Variants in SETBP1 observed in about 807,000 individuals in gnomAD.
SETBP1 encodes the protein SET-binding protein.
A neutral mutation model predicts 101.0 loss-of-function variants in SETBP1; 9 were observed. The observed-to-expected ratio is 0.09, with a 90% confidence interval of 0.05 to 0.16. The LOEUF is 0.16. Among genes scored for constraint, SETBP1 ranks in the 10% least tolerant of loss-of-function variants. The pLI, the probability that SETBP1 is intolerant of heterozygous loss-of-function variation, is 1.00. For synonymous variants in SETBP1, 818 were observed against 788.5 expected, an observed-to-expected ratio of 1.04 and a Z score of -0.63; for missense variants, 1,858 against 2,033.8, an observed-to-expected ratio of 0.91 and a Z score of 1.66.
At chr18:44,874,531 TG>T (rs1445828633) in intron 3 of SETBP1, among the ~76,000 whole-genome samples, 1 of 152,150 alleles carries the variant, frequency 6.6e-6, no homozygotes, top group African/African-American at 2.4e-5. Context: ...CTGAGGACCG[TG>T]GGGGTATCAC....
intron 1 of SETBP1, among the ~76,000 whole-genome samples, chr18:44,699,956 T>G (rs901526239): frequency 2.0e-5 from 3 of 152,202 alleles, no homozygotes; most frequent in Admixed American, 1.3e-4. Flanking sequence ...CCAGCCACTT[T>G]AAATTGATGG....
At chr18:44,759,277 T>C (rs994817956) in intron 2 of SETBP1, among the ~76,000 whole-genome samples, 3 of 152,198 alleles carry the variant, frequency 2.0e-5, no homozygotes, top group African/African-American at 2.4e-5. Context: ...TCAGGAGGTA[T>C]GTTTTCAATC....
chr18:44,865,135 G>T (rs775669673), intron 2 of SETBP1, among the ~76,000 whole-genome samples: 1 of 152,172 alleles, frequency 6.6e-6, no homozygotes, highest in Non-Finnish European at 1.5e-5. Context: ...GATTTCTGCA[G>T]AGGTGCTCAG....
In SETBP1 at chr18:45,063,762, G is replaced by T; in HGVS notation, c.*64G>T. On this transcript the variant is annotated 3_prime_UTR_variant, in exon 6 of 6. Transcript: ENST00000649279. Reference sequence around the variant, plus strand: ...GACACGTGGGAAGCGCAGTGAGCCGGGGCGGGGGCGGAATCCCCCGCTGCA... The same window carrying T: ...GACACGTGGGAAGCGCAGTGAGCCGTGGCGGGGGCGGAATCCCCCGCTGCA... 1 of 1,533,614 alleles carries T rather than the reference G, an allele frequency of 6.5e-7. No homozygotes were observed. Among genetic ancestry groups the T allele is most frequent in the South Asian group, 1.2e-5 (1 of 83,300 alleles).
chr18:44,772,519 G>A (rs1039203826), intron 2 of SETBP1, among the ~76,000 whole-genome samples: 1 of 152,096 alleles, frequency 6.6e-6, no homozygotes, highest in African/African-American at 2.4e-5. Flanking sequence ...TGGCTCTGAG[G>A]CTTCTTCAGA....
intron 3 of SETBP1, among the ~76,000 whole-genome samples, chr18:44,887,131 A>G (rs1237183425): frequency 6.6e-6 from 1 of 152,094 alleles, no homozygotes; most frequent in Non-Finnish European, 1.5e-5. Flanking sequence ...CCATTTTCTC[A>G]TTTGTCAAGT....
chr18:44,922,083 AT>A (rs1382393489), intron 3 of SETBP1, among the ~76,000 whole-genome samples: 1 of 152,196 alleles, frequency 6.6e-6, no homozygotes, highest in African/African-American at 2.4e-5. Context: ...CAAATATTCC[AT>A]TTTGGTTACT....
intron 2 of SETBP1, among the ~76,000 whole-genome samples, chr18:44,804,382 C>A (rs1222643901): frequency 2.6e-5 from 4 of 152,034 alleles, no homozygotes; most frequent in Non-Finnish European, 5.9e-5. Context: ...TCATTTCAAG[C>A]AGCAGATATT....
At chr18:45,038,430 T>A in intron 4 of SETBP1, 55 bp from the exon 5 acceptor site, 14 of 1,514,122 alleles carry the variant, frequency 9.2e-6, no homozygotes, top group Non-Finnish European at 1.3e-5. Context: ...TTACATGTTG[T>A]CTATCTTCCT....
intron 2 of SETBP1, among the ~76,000 whole-genome samples, chr18:44,793,701 G>A (rs1335123482): frequency 1.3e-5 from 2 of 152,214 alleles, no homozygotes; most frequent in African/African-American, 4.8e-5. Context: ...TAGGGTACAA[G>A]ATCAAGCCAA....
chr18:44,766,431 T>C (rs1469328867), intron 2 of SETBP1, among the ~76,000 whole-genome samples: 1 of 152,098 alleles, frequency 6.6e-6, no homozygotes, highest in Non-Finnish European at 1.5e-5. Flanking sequence ...TTATATGAAG[T>C]GAAATGAGAA....
At chr18:44,935,063 C>A (rs965147757) in intron 3 of SETBP1, among the ~76,000 whole-genome samples, 2 of 150,864 alleles carry the variant, frequency 1.3e-5, no homozygotes, top group Non-Finnish European at 2.9e-5. Context: ...CAGGGAGGAG[C>A]GGCAATGAAT....
At chr18:44,834,592 A>G (rs1233926057) in intron 2 of SETBP1, among the ~76,000 whole-genome samples, 1 of 152,182 alleles carries the variant, frequency 6.6e-6, no homozygotes, top group African/African-American at 2.4e-5. Flanking sequence ...GGGTTAATCA[A>G]TTGTTCTCCA....
chr18:45,032,634 G>A (rs1045289038), intron 4 of SETBP1, among the ~76,000 whole-genome samples: 1 of 152,146 alleles, frequency 6.6e-6, no homozygotes, highest in East Asian at 1.9e-4. Flanking sequence ...TGCCTGGCAT[G>A]GGAGGAGAAT....
intron 2 of SETBP1, among the ~76,000 whole-genome samples, chr18:44,822,896 A>G (rs1279459028): frequency 6.6e-6 from 1 of 152,208 alleles, no homozygotes; most frequent in East Asian, 1.9e-4. Flanking sequence ...TCACACCTGT[A>G]CTTTGGGAGG....
At chr18:44,857,021 T>C (rs1180901318) in intron 2 of SETBP1, among the ~76,000 whole-genome samples, 2 of 152,204 alleles carry the variant, frequency 1.3e-5, no homozygotes, top group Admixed American at 1.3e-4. Flanking sequence ...AGTTCTCCAA[T>C]TTTTCTTATC....
At chr18:44,702,068 A>T (rs2069125307) in intron 2 of SETBP1, among the ~76,000 whole-genome samples, 1 of 152,166 alleles carries the variant, frequency 6.6e-6, no homozygotes, top group Non-Finnish European at 1.5e-5. Flanking sequence ...GTTGATTAAC[A>T]CTTATTTTAT....
intron 3 of SETBP1, among the ~76,000 whole-genome samples, chr18:44,896,303 C>T (rs1313755731): frequency 4.6e-5 from 7 of 152,170 alleles, no homozygotes. Flanking sequence ...AAATTTCCAG[C>T]AGCTTCTCTA....
chr18:44,792,215 A>G (rs2071385352), intron 2 of SETBP1, among the ~76,000 whole-genome samples: 1 of 152,214 alleles, frequency 6.6e-6, no homozygotes, highest in African/African-American at 2.4e-5. Flanking sequence ...TGTCCCATCC[A>G]CTACAATACG....
Sources: allele counts gnomAD v4.1 joint callset (sites outside exome capture counted in the v4.1 genomes callset), GRCh38; gene constraint gnomAD v4.1.1; transcripts MANE v1.5; gene names NCBI Gene and HGNC (gene_info 2026-07-23, HGNC 2026-07-21).